The following REDIC1 variants were observed in gnomAD, a reference collection of about 807,000 sequenced individuals.
The protein encoded by REDIC1 is HEI10 Interacting Protein 1.
At chr12:39,896,491 T>C in the REDIC1 span, among the ~76,000 whole-genome samples, 21 of 148,212 alleles carry the variant, frequency 1.4e-4, 1 homozygote, top group East Asian at 4.1e-4. Context: ...TGTATATATG[T>C]ACACATATAT....
the REDIC1 span, among the ~76,000 whole-genome samples, chr12:39,699,104 AAAAG>A: frequency 6.6e-6 from 1 of 152,320 alleles, no homozygotes; most frequent in Admixed American, 6.5e-5. Flanking sequence ...GACTAAGAAA[AAAAG>A]AAGATGTAAA....
the REDIC1 span, among the ~76,000 whole-genome samples, chr12:39,669,813 T>C: frequency 3.3e-5 from 5 of 152,242 alleles, no homozygotes; most frequent in Non-Finnish European, 5.9e-5. Flanking sequence ...CTGTGCTAGC[T>C]ATGAGTGAGG....
At chr12:39,647,661 T>C in the REDIC1 span, 1 of 583,558 alleles carries the variant, frequency 1.7e-6, no homozygotes, top group South Asian at 4.1e-5. Flanking sequence ...ACTGATGGGT[T>C]GCCTTGCCTT....
At chr12:39,731,199 G>T in the REDIC1 span, among the ~76,000 whole-genome samples, 1 of 152,228 alleles carries the variant, frequency 6.6e-6, no homozygotes, top group South Asian at 2.1e-4. Flanking sequence ...TTCCCTTGCT[G>T]GGGAGGAGTT....
At chr12:39,773,300 CTGAG>C in the REDIC1 span, among the ~76,000 whole-genome samples, 3 of 152,126 alleles carry the variant, frequency 2.0e-5, no homozygotes, top group South Asian at 6.2e-4. Context: ...CTCATTTTGG[CTGAG>C]TGAGAGAACT....
chr12:39,713,743 A>G, the REDIC1 span, among the ~76,000 whole-genome samples: 1 of 149,526 alleles, frequency 6.7e-6, no homozygotes, highest in African/African-American at 2.4e-5. Flanking sequence ...ATACATATGT[A>G]TATATACATG....
chr12:39,664,108 G>T, the REDIC1 span, among the ~76,000 whole-genome samples: 1 of 151,324 alleles, frequency 6.6e-6, no homozygotes, highest in South Asian at 2.1e-4. Context: ...AAGTTTTAGG[G>T]TACATGTGCA....
chr12:39,759,948 G>T, the REDIC1 span: 1 of 1,034,114 alleles, frequency 9.7e-7, no homozygotes, highest in Non-Finnish European at 1.5e-6. Context: ...CAGATTAGAA[G>T]CAGGGCAGTG....
At chr12:39,626,185 G>A in the REDIC1 span, 2 of 734,750 alleles carry the variant, frequency 2.7e-6, no homozygotes, top group Non-Finnish European at 2.3e-6. Flanking sequence ...CTGTTGGGAG[G>A]TTGGGCCTCA....
the REDIC1 span, among the ~76,000 whole-genome samples, chr12:39,657,033 G>A: frequency 6.6e-6 from 1 of 152,156 alleles, no homozygotes; most frequent in Non-Finnish European, 1.5e-5. Flanking sequence ...CGTAAGTGTA[G>A]AGTGTTTATA....
chr12:39,749,149 T>A, the REDIC1 span, among the ~76,000 whole-genome samples: 1 of 151,716 alleles, frequency 6.6e-6, no homozygotes, highest in African/African-American at 2.4e-5. Flanking sequence ...TTTGAAAAGA[T>A]CAAAAAAATT....
the REDIC1 span, among the ~76,000 whole-genome samples, chr12:39,696,173 C>T: frequency 1.3e-5 from 2 of 152,078 alleles, no homozygotes; most frequent in Non-Finnish European, 2.9e-5. Context: ...ATAGCTAACT[C>T]TTCAGTGCCC....
At chr12:39,785,352 C>A in the REDIC1 span, among the ~76,000 whole-genome samples, 43 of 152,314 alleles carry the variant, frequency 2.8e-4, no homozygotes, top group Non-Finnish European at 4.6e-4. Flanking sequence ...AAGCCCTAAG[C>A]CTTGGCAGCT....
chr12:39,720,376 G>A, the REDIC1 span, among the ~76,000 whole-genome samples: 1 of 151,964 alleles, frequency 6.6e-6, no homozygotes, highest in African/African-American at 2.4e-5. Flanking sequence ...CAGGTTATAT[G>A]TTAGCTGTTT....
the REDIC1 span, among the ~76,000 whole-genome samples, chr12:39,765,338 A>G: frequency 1.3e-5 from 2 of 152,020 alleles, no homozygotes; most frequent in Non-Finnish European, 2.9e-5. Context: ...ATTCTATCTG[A>G]TTCCAAATAG....
chr12:39,646,166 AGTT>A, the REDIC1 span, among the ~76,000 whole-genome samples: 3 of 152,006 alleles, frequency 2.0e-5, no homozygotes, highest in African/African-American at 7.2e-5. Context: ...AGTCTCTGAT[AGTT>A]GTTTATATTG....
At chr12:39,647,256 A>G in the REDIC1 span, among the ~76,000 whole-genome samples, 8 of 152,120 alleles carry the variant, frequency 5.3e-5, no homozygotes, top group South Asian at 1.0e-3. Flanking sequence ...GTGATGTCCA[A>G]CCCTCACGTG....
At chr12:39,841,018 T>C in the REDIC1 span, among the ~76,000 whole-genome samples, 1 of 152,134 alleles carries the variant, frequency 6.6e-6, no homozygotes, top group South Asian at 2.1e-4. Flanking sequence ...AATTGTTCCT[T>C]ACAATTCACG....
At chr12:39,755,826 T>C in the REDIC1 span, 1 of 152,064 alleles carries the variant, frequency 6.6e-6, no homozygotes, top group Non-Finnish European at 1.5e-5. Context: ...ATAAATTATA[T>C]TGTTTTAGCT....
Sources: gnomAD v4.1 joint callset for allele counts (sites outside exome capture counted in the v4.1 genomes callset) on GRCh38, gnomAD v4.1.1 for gene constraint, MANE v1.5 for transcripts, NCBI Gene and HGNC (gene_info 2026-07-23, HGNC 2026-07-21) for gene names.